MDFIC2: variants seen among roughly 807,000 people sequenced by gnomAD.
MDFIC2 encodes the protein MyoD family inhibitor domain containing 2.
intron 2 of MDFIC2, among the ~76,000 whole-genome samples, chr3:70,261,149 A>G (rs1393172674): frequency 6.6e-6 from 1 of 152,220 alleles, no homozygotes; most frequent in African/African-American, 2.4e-5. Flanking sequence ...ATAATATTGT[A>G]TTTCAGTTTG....
At chr3:70,243,854 G>A (rs1465356323) in intron 2 of MDFIC2, among the ~76,000 whole-genome samples, 1 of 152,208 alleles carries the variant, frequency 6.6e-6, no homozygotes, top group Non-Finnish European at 1.5e-5. Flanking sequence ...AGGAGGATAT[G>A]TGGAGGAATT....
At chr3:70,292,849 G>A (rs1051348721) in intron 2 of MDFIC2, among the ~76,000 whole-genome samples, 2 of 151,756 alleles carry the variant, frequency 1.3e-5, no homozygotes, top group Admixed American at 1.3e-4. Flanking sequence ...TTCTTTGAAG[G>A]TAGAATTACC....
At chr3:70,251,454 G>A (rs1448106866) in intron 2 of MDFIC2, among the ~76,000 whole-genome samples, 1 of 151,916 alleles carries the variant, frequency 6.6e-6, no homozygotes, top group African/African-American at 2.4e-5. Context: ...CATAATAGTG[G>A]GTATATATTA....
At chr3:70,294,687 T>C (rs62256523) in intron 2 of MDFIC2, among the ~76,000 whole-genome samples, 15,010 of 152,140 alleles carry the variant, frequency 0.099, 972 homozygotes, top group Non-Finnish European at 0.15. Flanking sequence ...TATATCCATT[T>C]TAAAGGTAGA....
At chr3:70,298,601 C>G (rs934121336) in intron 2 of MDFIC2, among the ~76,000 whole-genome samples, 1 of 152,098 alleles carries the variant, frequency 6.6e-6, no homozygotes, top group African/African-American at 2.4e-5. Context: ...TCCTCTTTCT[C>G]GTTAAAATCA....
At chr3:70,214,158 T>C (rs1701382118) in intron 2 of MDFIC2, among the ~76,000 whole-genome samples, 1 of 152,014 alleles carries the variant, frequency 6.6e-6, no homozygotes, top group African/African-American at 2.4e-5. Context: ...AGACAAAACC[T>C]TGGGTTCATT....
At position 70,305,311 on chromosome 3, in the gene MDFIC2, G is replaced by A. The variant is rs558157147; in HGVS notation, c.88+6575C>T. ...ACCCCTATTTTTGTTATTAGGTAAC[G>A]CACTTTCATGAGTTAATGAAAACTA... is the stretch of plus-strand genomic sequence containing the variant. On this transcript the variant is annotated intron_variant, in intron 2 of 3. Coordinates refer to ENST00000567252, the MANE Select transcript of MDFIC2 (RefSeq NM_001364677.1). Among the ~76,000 whole-genome samples, 19 of 152,018 alleles carry A rather than the reference G, an allele frequency of 1.2e-4. No individual in the cohort carries two copies. The South Asian group carries it at 3.5e-3, about 28-fold the overall frequency.
chr3:70,220,860 T>C (rs1168325094), intron 2 of MDFIC2, among the ~76,000 whole-genome samples: 1 of 152,124 alleles, frequency 6.6e-6, no homozygotes, highest in Non-Finnish European at 1.5e-5. Context: ...CAGTTGTAAG[T>C]GTGTCTTTCC....
chr3:70,284,919 T>TA (rs1298780071), intron 2 of MDFIC2, among the ~76,000 whole-genome samples: 2 of 151,920 alleles, frequency 1.3e-5, no homozygotes, highest in African/African-American at 4.8e-5. Flanking sequence ...CAAAAAAGAG[T>TA]AAATGGCATT....
At chr3:70,203,580 G>A (rs950451351) in intron 3 of MDFIC2, among the ~76,000 whole-genome samples, 2 of 152,064 alleles carry the variant, frequency 1.3e-5, no homozygotes, top group African/African-American at 4.8e-5. Flanking sequence ...CTGAGCAAAT[G>A]AACTGAAATA....
At chr3:70,233,481 T>C (rs1701580354) in intron 2 of MDFIC2, among the ~76,000 whole-genome samples, 1 of 152,222 alleles carries the variant, frequency 6.6e-6, no homozygotes, top group Admixed American at 6.5e-5. Context: ...TAAAACCTTT[T>C]TATAGATTTA....
At chr3:70,261,614 T>A (rs895208138) in intron 2 of MDFIC2, among the ~76,000 whole-genome samples, 4 of 152,216 alleles carry the variant, frequency 2.6e-5, no homozygotes, top group African/African-American at 9.6e-5. Context: ...CTGAATGGGC[T>A]TTCTTCACTT....
intron 2 of MDFIC2, among the ~76,000 whole-genome samples, chr3:70,230,749 C>T (rs897635667): frequency 6.6e-6 from 1 of 152,166 alleles, no homozygotes; most frequent in Non-Finnish European, 1.5e-5. Flanking sequence ...CCCATGCCTT[C>T]ACCCTCCTTG....
intron 2 of MDFIC2, among the ~76,000 whole-genome samples, chr3:70,255,958 C>A (rs1367463725): frequency 6.6e-6 from 1 of 151,500 alleles, no homozygotes; most frequent in South Asian, 2.1e-4. Context: ...TTTTACAACA[C>A]GTAATTGAAA....
At chr3:70,200,981 TC>T (rs1163042243) in intron 3 of MDFIC2, among the ~76,000 whole-genome samples, 11 of 151,976 alleles carry the variant, frequency 7.2e-5, no homozygotes, top group African/African-American at 2.7e-4. Flanking sequence ...GGGTGGGTGT[TC>T]ATTTCTCTTC....
chr3:70,264,623 T>G (rs1701898720), intron 2 of MDFIC2, among the ~76,000 whole-genome samples: 2 of 152,250 alleles, frequency 1.3e-5, no homozygotes. Flanking sequence ...CATCAACAAA[T>G]GTTTACTGAG....
chr3:70,274,334 A>T (rs1441968922), intron 2 of MDFIC2, among the ~76,000 whole-genome samples: 1 of 152,268 alleles, frequency 6.6e-6, no homozygotes, highest in Non-Finnish European at 1.5e-5. Context: ...AAGGTTGAGA[A>T]TCATCATATT....
chr3:70,291,907 C>T (rs146531440), intron 2 of MDFIC2: 1 of 152,300 alleles, frequency 6.6e-6, no homozygotes, highest in African/African-American at 2.4e-5. Context: ...TCTTATCTTT[C>T]GCCTCTTACT....
intron 3 of MDFIC2, among the ~76,000 whole-genome samples, chr3:70,201,177 C>A (rs1701234413): frequency 1.3e-5 from 2 of 152,028 alleles, no homozygotes; most frequent in Admixed American, 1.3e-4. Context: ...CATTATTTTT[C>A]CTGATCCTCT....
Sources: gnomAD v4.1 joint callset for allele counts (sites outside exome capture counted in the v4.1 genomes callset) on GRCh38, gnomAD v4.1.1 for gene constraint, MANE v1.5 for transcripts, NCBI Gene and HGNC (gene_info 2026-07-23, HGNC 2026-07-21) for gene names.